The following TFAP2C variants were observed in gnomAD, a reference collection of about 807,000 sequenced individuals.
The protein encoded by TFAP2C is transcription factor AP-2 gamma, also known as activating enhancer-binding protein 2 gamma.
TFAP2C carries 9 observed loss-of-function variants against 42.9 expected under a neutral mutation model. The observed-to-expected ratio is 0.21, with a 90% CI of 0.13 to 0.37. The LOEUF is 0.37. Ranked by LOEUF, TFAP2C falls within the 10% of genes least tolerant of loss-of-function variation. The pLI is 1.00. For missense variants in TFAP2C, 462 were observed against 591.7 expected (o/e 0.78, Z 2.27); for synonymous variants, 264 against 256.0 (o/e 1.03, Z -0.30).
intron 4 of TFAP2C, 50 bp from the exon 5 acceptor site, chr20:56,634,100 A>G (rs756928297): frequency 7.3e-6 from 9 of 1,241,016 alleles, no homozygotes; most frequent in Non-Finnish European, 2.4e-6. Context: ...GTGCGTGTGT[A>G]TGTGTTTTTG....
In TFAP2C at chr20:56,633,341, C is replaced by A. The variant is rs1284504165; in HGVS notation, c.587-12C>A. The stretch of plus-strand genomic sequence containing the variant: ...AGCTCTTGTGACTGCCAGCTCTGAC[C>A]TTCATTCACAGGTCCCATTTCCATG... On this transcript the variant is annotated splice_polypyrimidine_tract_variant and intron_variant, in intron 3 of 6. Coordinates refer to ENST00000201031, the MANE Select transcript of TFAP2C (RefSeq NM_003222.4). 6.2e-7 allele frequency: 1 copy of A among 1,607,044 alleles called. No individual in the cohort carries two copies. The highest frequency in any genetic ancestry group is 1.3e-5 in the African/African-American group (1 of 74,806).
chr20:56,637,275 A>C (rs1198969261), intron 6 of TFAP2C, among the ~76,000 whole-genome samples: 2 of 152,220 alleles, frequency 1.3e-5, no homozygotes, highest in Non-Finnish European at 2.9e-5. Context: ...GAGCCAGGAA[A>C]TGGGGTAAAA....
Position 56,638,970 on chromosome 20 carries a change from T to C in TFAP2C, c.*957T>C, listed in dbSNP as rs1355463902. 1 of 152,630 alleles carries C rather than the reference T, an allele frequency of 6.6e-6. No homozygotes were observed. Among genetic ancestry groups the C allele is most frequent in the African/African-American group, 2.4e-5 (1 of 41,446 alleles). 9.5% of individuals were successfully genotyped at this position (152,630 alleles called of 1,614,324 possible). ...GAGACATGGGATCCAATTTTAATAT[T>C]AACTTTTAATGGTGATGGGGTAATC... is the stretch of plus-strand genomic sequence containing the variant. On this transcript the variant is annotated 3_prime_UTR_variant, in exon 7 of 7. Coordinates refer to ENST00000201031, the MANE Select transcript of TFAP2C (RefSeq NM_003222.4).
Position 56,629,422 on chromosome 20 carries a change from C to A in TFAP2C, c.-123C>A. Reference sequence around the variant, plus strand: ...GTGTCCAGTGACCCGGACAGCAAGGCCCGCGCGCGGCGGGGGCGGCGGCAG... The same window carrying A: ...GTGTCCAGTGACCCGGACAGCAAGGACCGCGCGCGGCGGGGGCGGCGGCAG... On this transcript the variant is annotated 5_prime_UTR_variant, in exon 1 of 7. Coordinates refer to ENST00000201031, the MANE Select transcript of TFAP2C (RefSeq NM_003222.4). The surrounding 1 kb of genome is among the most constrained non-coding windows in gnomAD (Gnocchi z 5.9). The A allele has an allele frequency of 8.3e-6, 7 of 843,898 alleles. No individual in the cohort carries two copies. Among genetic ancestry groups the A allele is most frequent in the Non-Finnish European group, 1.2e-5 (7 of 599,028 alleles). 52.3% of individuals were successfully genotyped at this position (843,898 alleles called of 1,614,324 possible). A position where few individuals can be genotyped will look rare whatever the true frequency, so the allele number is the denominator to read the frequency against.
At chr20:56,632,338 G>A (rs929663359) in intron 3 of TFAP2C, among the ~76,000 whole-genome samples, 2 of 152,192 alleles carry the variant, frequency 1.3e-5, no homozygotes, top group Non-Finnish European at 2.9e-5. Flanking sequence ...CCTACCAAAT[G>A]AATACCTGTA....
Position 56,630,445 on chromosome 20 carries a change from C to G in TFAP2C, c.49-760C>G. 1 of 400,294 alleles carries G rather than the reference C, an allele frequency of 2.5e-6. No homozygotes were observed. 24.8% of individuals were successfully genotyped at this position (400,294 alleles called of 1,614,324 possible). A position where few individuals can be genotyped will look rare whatever the true frequency, so the allele number is the denominator to read the frequency against. ...GAAACTGAGTCGGGCCGCCCAGGGG[C>G]GAGGGAACGTGCGCGGGCAAGGCTG... is the stretch of plus-strand genomic sequence containing the variant. On this transcript the variant is annotated intron_variant, in intron 1 of 6. Transcript: ENST00000201031. This position sits in a 1 kb window ranked among gnomAD's most constrained non-coding sequence, Gnocchi z 5.1.
In TFAP2C at chr20:56,638,935, C is replaced by T. The variant is rs879645824; in HGVS notation, c.*922C>T. 4 of 152,470 alleles carry T rather than the reference C, an allele frequency of 2.6e-5. No homozygotes were observed. Among genetic ancestry groups the T allele is most frequent in the Admixed American group, 1.3e-4 (2 of 15,258 alleles). The allele number at this position is 152,470 out of a possible 1,614,324, so 9.4% of individuals were successfully genotyped here. A position where few individuals can be genotyped will look rare whatever the true frequency, so the allele number is the denominator to read the frequency against. ...TCTGTAAATACTGGTGCACTTCTTA[C>T]GACTTTTTTGAGACATGGGATCCAA... is the stretch of plus-strand genomic sequence containing the variant. On this transcript the variant is annotated 3_prime_UTR_variant, in exon 7 of 7. Transcript: ENST00000201031.
chr20:56,631,512 G>A lies in TFAP2C; in HGVS notation c.356G>A (p.Gly119Glu), dbSNP rs1215032291. 4 of 1,503,904 alleles carry A rather than the reference G, an allele frequency of 2.7e-6. No individual in the cohort carries two copies. Among genetic ancestry groups the A allele is most frequent in the Non-Finnish European group, 3.5e-6 (4 of 1,134,404 alleles). The allele number at this position is 1,503,904 out of a possible 1,614,324, so 93.2% of individuals were successfully genotyped here. ...QEGAGLPSHHGRPAGLLPHLS... is the reference protein window; with the variant it reads ...QEGAGLPSHHERPAGLLPHLS... ...GGAGCGGGGCTGCCCTCGCACCACG[G>A]GCGCCCGGCCGGCCTACTGCCCCAC... is the stretch of plus-strand genomic sequence containing the variant. The change falls in exon 2 of 7, where the codon GGG (glycine) becomes GAG (glutamate). Residue 119 changes from glycine to glutamate, a missense_variant. Transcript: ENST00000201031. The surrounding 1 kb of genome is among the most constrained non-coding windows in gnomAD (Gnocchi z 6.1).
Position 56,631,058 on chromosome 20 carries a change from C to G in TFAP2C, c.49-147C>G. On this transcript the variant is annotated intron_variant, in intron 1 of 6. Coordinates refer to ENST00000201031, the MANE Select transcript of TFAP2C (RefSeq NM_003222.4). This position sits in a 1 kb window ranked among gnomAD's most constrained non-coding sequence, Gnocchi z 6.1. ...ACGAAATCCTCGGGGCGCATTGCCC[C>G]CGGGTACCTTCCGACCCTGGGCAAG... 3 of 1,427,874 alleles carry G rather than the reference C, an allele frequency of 2.1e-6. No homozygotes were observed. The highest frequency in any genetic ancestry group is 2.7e-6 in the Non-Finnish European group (3 of 1,099,488). The allele number at this position is 1,427,874 out of a possible 1,614,324, so 88.5% of individuals were successfully genotyped here.
At position 56,630,518 on chromosome 20, in the gene TFAP2C, G is replaced by C. The variant is rs1600896258; in HGVS notation, c.49-687G>C. ...GCCCCCTCTGCGCCCCGACGTGCGAGAACACTGCCCTTGGCAGTGCAGGGC... is the reference window on the plus strand; with the variant it reads ...GCCCCCTCTGCGCCCCGACGTGCGACAACACTGCCCTTGGCAGTGCAGGGC... On this transcript the variant is annotated intron_variant, in intron 1 of 6. Coordinates refer to ENST00000201031, the MANE Select transcript of TFAP2C (RefSeq NM_003222.4). The surrounding 1 kb of genome is among the most constrained non-coding windows in gnomAD (Gnocchi z 5.1). The C allele has an allele frequency of 2.8e-6, 1 of 356,564 alleles. No homozygotes were observed. The highest frequency in any genetic ancestry group is 8.8e-5 in the East Asian group (1 of 11,384). 22.1% of individuals were successfully genotyped at this position (356,564 alleles called of 1,614,324 possible).
Position 56,638,167 on chromosome 20 carries a change from C to T in TFAP2C, c.*154C>T. The T allele has an allele frequency of 3.0e-6, 2 of 668,264 alleles. No individual in the cohort carries two copies. Among genetic ancestry groups the T allele is most frequent in the Admixed American group, 5.9e-5 (2 of 34,042 alleles). The allele number at this position is 668,264 out of a possible 1,614,324, so 41.4% of individuals were successfully genotyped here. A position where few individuals can be genotyped will look rare whatever the true frequency, so the allele number is the denominator to read the frequency against. ...GCCTTCACTGGTTCTGCATCACCCGCCCCTGGACTTCTTAGTTGTTTCTCT... is the reference window on the plus strand; with the variant it reads ...GCCTTCACTGGTTCTGCATCACCCGTCCCTGGACTTCTTAGTTGTTTCTCT... On this transcript the variant is annotated 3_prime_UTR_variant, in exon 7 of 7. Coordinates refer to ENST00000201031, the MANE Select transcript of TFAP2C (RefSeq NM_003222.4).
intron 4 of TFAP2C, 69 bp downstream of exon 4, chr20:56,633,638 G>A (rs1987534085): frequency 8.4e-7 from 1 of 1,187,474 alleles, no homozygotes; most frequent in Non-Finnish European, 1.2e-6. Flanking sequence ...GGCCCAGGAG[G>A]TATTTTTAAC....
In TFAP2C at chr20:56,632,939, C is replaced by T. The variant is rs575995195; in HGVS notation, c.587-414C>T. Among the ~76,000 whole-genome samples, 3 of 152,256 alleles carry T rather than the reference C, an allele frequency of 2.0e-5. No homozygotes were observed. In the South Asian group the frequency reaches 6.2e-4, roughly 32 times the overall value. Reference sequence around the variant, plus strand: ...TAGGGGGCTTTTTTAAAAAGTCAGCCATGGCCAGGTGCAGTGGCTGACACC... The same window carrying T: ...TAGGGGGCTTTTTTAAAAAGTCAGCTATGGCCAGGTGCAGTGGCTGACACC... On this transcript the variant is annotated intron_variant, in intron 3 of 6. Coordinates refer to ENST00000201031, the MANE Select transcript of TFAP2C (RefSeq NM_003222.4).
Position 56,631,155 on chromosome 20 carries a change from T to C in TFAP2C, c.49-50T>C, listed in dbSNP as rs1987480847. 4 of 1,476,308 alleles carry C rather than the reference T, an allele frequency of 2.7e-6. No individual in the cohort carries two copies. The highest frequency in any genetic ancestry group is 3.6e-6 in the Non-Finnish European group (4 of 1,117,752). The allele number at this position is 1,476,308 out of a possible 1,614,324, so 91.5% of individuals were successfully genotyped here. A position where few individuals can be genotyped will look rare whatever the true frequency, so the allele number is the denominator to read the frequency against. On this transcript the variant is annotated intron_variant, in intron 1 of 6. Transcript: ENST00000201031. This position sits in a 1 kb window ranked among gnomAD's most constrained non-coding sequence, Gnocchi z 6.1. The stretch of plus-strand genomic sequence containing the variant: ...CCCGGCGATGCCGGCCAGTTCGCAG[T>C]AGCGGGGTTTCGCACTAACGGGGTC...
chr20:56,633,605 T>TAA (rs1307581331), intron 4 of TFAP2C, 36 bp downstream of exon 4: 11 of 1,536,670 alleles, frequency 7.2e-6, no homozygotes, highest in Non-Finnish European at 8.1e-6. Context: ...AGTGGTTGGG[T>TAA]AGTTGAAGGT....
chr20:56,637,978 A>G lies in TFAP2C; in HGVS notation c.1318A>G (p.Lys440Glu). The change falls in exon 7 of 7, where the codon AAA becomes GAA. Residue 440 changes from lysine (K) to glutamate (E), a missense_variant. By Grantham distance (56) the Lys-to-Glu change is moderately conservative. Coordinates refer to ENST00000201031, the MANE Select transcript of TFAP2C (RefSeq NM_003222.4). ...AGACCAGAGTCCAGCTGATTCTAAC[A>G]AAACCCTGGAGAAAATGGAGAAACA... ...PGDQSPADSN[K>E]TLEKMEKHRK The G allele has an allele frequency of 6.2e-7, 1 of 1,613,940 alleles. No homozygotes were observed. The highest frequency in any genetic ancestry group is 2.2e-5 in the East Asian group (1 of 44,878).
At chr20:56,636,446 A>T (rs1431994186) in intron 5 of TFAP2C, among the ~76,000 whole-genome samples, 164 bp from the exon 6 acceptor site, 1 of 151,912 alleles carries the variant, frequency 6.6e-6, no homozygotes, top group Non-Finnish European at 1.5e-5. Context: ...GAATTGCTTG[A>T]ATTCCGGAGG....
intron 4 of TFAP2C, 114 bp from the exon 5 acceptor site, chr20:56,634,036 T>G: frequency 1.4e-6 from 1 of 727,448 alleles, no homozygotes; most frequent in Non-Finnish European, 2.4e-6. Context: ...TAGATAGTCT[T>G]TGATGGGTTT....
At chr20:56,635,107 G>C (rs191620912) in intron 5 of TFAP2C, among the ~76,000 whole-genome samples, 1 of 152,292 alleles carries the variant, frequency 6.6e-6, no homozygotes, top group East Asian at 1.9e-4. Context: ...TGCTCTGATG[G>C]CGTGACGTGG....
Sources: allele counts gnomAD v4.1 joint callset (sites outside exome capture counted in the v4.1 genomes callset), GRCh38; gene constraint gnomAD v4.1.1; non-coding constraint Gnocchi (gnomAD v3.1); transcripts MANE v1.5; gene names NCBI Gene and HGNC (gene_info 2026-07-23, HGNC 2026-07-21).